RASGRF2: variants seen among roughly 807,000 people sequenced by gnomAD.
The protein encoded by RASGRF2 is ras-specific guanine nucleotide-releasing factor 2.
Under a neutral mutation model 151.0 loss-of-function variants are expected in RASGRF2, and 76 were observed. The ratio of observed to expected loss-of-function variants is 0.50; its 90% CI spans 0.42 to 0.61. RASGRF2 has a LOEUF of 0.61. Among genes scored for constraint, RASGRF2 ranks in the 20% least tolerant of loss-of-function variants. The probability of loss-of-function intolerance (pLI) is 0.00; values close to 1 mark genes in which losing one functional copy is unlikely to be tolerated. For missense variants in RASGRF2, 1,148 were observed against 1,564.6 expected (o/e 0.73, Z 4.49); for synonymous variants, 504 against 566.5 (o/e 0.89, Z 1.57).
chr5:81,118,441 C>CTG lies in RASGRF2; in HGVS notation c.2470+4524_2470+4525dup, dbSNP rs565832440. Among the ~76,000 whole-genome samples the CTG allele has an allele frequency of 3.9e-5, 6 of 152,348 alleles. No homozygotes were observed. The East Asian group carries it at 1.2e-3, about 29-fold the overall frequency. ...GGGGAGCAGCCCTGGGCAGCAAATG[C>CTG]TGTGGTCCCTTAGATTCCTCTCTGT... On this transcript the variant is annotated intron_variant, in intron 15 of 26. Coordinates refer to ENST00000265080, the MANE Select transcript of RASGRF2 (RefSeq NM_006909.3).
chr5:80,983,918 A>C (rs1748393307), intron 1 of RASGRF2, among the ~76,000 whole-genome samples: 1 of 152,228 alleles, frequency 6.6e-6, no homozygotes, highest in Non-Finnish European at 1.5e-5. Context: ...CAAATTCAAA[A>C]TTACGTGCAT....
At chr5:81,070,611 G>C (rs1751743057) in intron 4 of RASGRF2, 30 bp downstream of exon 4, 1 of 1,537,158 alleles carries the variant, frequency 6.5e-7, no homozygotes, top group East Asian at 2.3e-5. Context: ...AGCTTTGTAG[G>C]AGCATGGTGA....
chr5:81,089,026 G>A (rs905676663), intron 9 of RASGRF2, among the ~76,000 whole-genome samples: 22 of 152,076 alleles, frequency 1.4e-4, no homozygotes, highest in African/African-American at 5.3e-4. Context: ...TGTGTGGTTT[G>A]GTTAGTTGTT....
intron 2 of RASGRF2, among the ~76,000 whole-genome samples, chr5:81,046,603 C>A (rs1750844025): frequency 6.6e-6 from 1 of 151,846 alleles, no homozygotes; most frequent in Non-Finnish European, 1.5e-5. Context: ...GAGGCCAGAG[C>A]CTTTTCATAG....
intron 17 of RASGRF2, among the ~76,000 whole-genome samples, chr5:81,147,242 C>T (rs990525699): frequency 5.9e-5 from 9 of 152,130 alleles, no homozygotes; most frequent in Admixed American, 2.0e-4. Flanking sequence ...TTCATAGGCT[C>T]TTCCAATTAG....
chr5:81,050,747 T>C (rs1750985341), intron 2 of RASGRF2, among the ~76,000 whole-genome samples: 1 of 152,230 alleles, frequency 6.6e-6, no homozygotes, highest in African/African-American at 2.4e-5. Flanking sequence ...GCCCTCACTG[T>C]AACTTCTTAT....
chr5:81,023,567 AT>A (rs35763091), intron 1 of RASGRF2, among the ~76,000 whole-genome samples: 15,616 of 152,170 alleles, frequency 0.1, 1,000 homozygotes, highest in African/African-American at 0.18. Flanking sequence ...GCAGTGTTTG[AT>A]TTTTTTGTGA....
intron 7 of RASGRF2, among the ~76,000 whole-genome samples, chr5:81,080,998 T>G (rs1385474938): frequency 6.6e-6 from 1 of 152,198 alleles, no homozygotes; most frequent in African/African-American, 2.4e-5. Flanking sequence ...AAACCAGGCA[T>G]TTTTGAAGCA....
intron 18 of RASGRF2, among the ~76,000 whole-genome samples, chr5:81,189,933 C>T (rs1046307042): frequency 3.3e-5 from 5 of 151,784 alleles, no homozygotes; most frequent in South Asian, 2.1e-4. Context: ...AGGCTGGTCT[C>T]GAACTCCTGA....
chr5:81,080,872 T>A, intron 7 of RASGRF2, 83 bp downstream of exon 7: 1 of 1,283,930 alleles, frequency 7.8e-7, no homozygotes, highest in Admixed American at 1.9e-5. Flanking sequence ...GTGAGATGCT[T>A]AAGTGTGCCC....
At chr5:81,086,029 T>C in intron 8 of RASGRF2, 118 bp downstream of exon 8, 1 of 1,472,224 alleles carries the variant, frequency 6.8e-7, no homozygotes, top group South Asian at 1.4e-5. Flanking sequence ...GCTTCTCAGA[T>C]TCACCTGAAA....
chr5:80,963,937 A>G (rs1203218157), intron 1 of RASGRF2, among the ~76,000 whole-genome samples: 1 of 151,778 alleles, frequency 6.6e-6, no homozygotes, highest in Non-Finnish European at 1.5e-5. Context: ...GAAAACACCC[A>G]TTGGTTTGCT....
rs146295782 is a variant in RASGRF2 at position 81,015,495 on chromosome 5, C to T, written c.289-27382C>T. ...AATTTGGCAAAATTGTCTTAATGTA[C>T]ATTTCTTTGATTATCAGTGATTTTT... On this transcript the variant is annotated intron_variant, in intron 1 of 26. Transcript: ENST00000265080. Among the ~76,000 whole-genome samples the T allele has an allele frequency of 1.5e-3, 235 of 152,128 alleles. 1 individual carries two copies. The highest frequency in any genetic ancestry group is 6.8e-3 in the Middle Eastern group (2 of 294).
In RASGRF2 at chr5:81,229,258, A is replaced by T. The variant is rs896624302; in HGVS notation, c.*3488A>T. 6.6e-6 allele frequency: 1 copy of T among 152,234 alleles called. No individual in the cohort carries two copies. The highest frequency in any genetic ancestry group is 2.4e-5 in the African/African-American group (1 of 41,464). 9.4% of individuals were successfully genotyped at this position (152,234 alleles called of 1,614,324 possible). On this transcript the variant is annotated 3_prime_UTR_variant, in exon 27 of 27. Transcript: ENST00000265080. ...AATTGCAAAATGTATTATTTTTACA[A>T]CTATCGAAAAGGCATAAAAGAGAAC...
intron 9 of RASGRF2, among the ~76,000 whole-genome samples, chr5:81,091,196 G>C (rs1752378476): frequency 2.0e-5 from 3 of 152,138 alleles, no homozygotes; most frequent in African/African-American, 7.2e-5. Flanking sequence ...AAGGCCTCTG[G>C]CTTTGATTGC....
chr5:81,161,090 G>A (rs765786434), intron 17 of RASGRF2, among the ~76,000 whole-genome samples: 4 of 152,128 alleles, frequency 2.6e-5, no homozygotes, highest in African/African-American at 4.8e-5. Flanking sequence ...TGAAGGAATT[G>A]TCCATACTTT....
chr5:81,143,260 G>C (rs1753926102), intron 17 of RASGRF2, among the ~76,000 whole-genome samples: 1 of 151,856 alleles, frequency 6.6e-6, no homozygotes, highest in Non-Finnish European at 1.5e-5. Flanking sequence ...CGATTCTCCT[G>C]ACTCAGCCTC....
chr5:81,219,882 T>G (rs1755821924), intron 26 of RASGRF2, 104 bp downstream of exon 26: 2 of 733,430 alleles, frequency 2.7e-6, no homozygotes, highest in Non-Finnish European at 4.2e-6. Flanking sequence ...AGCTAGCTCA[T>G]AGAAAAGACC....
intron 19 of RASGRF2, among the ~76,000 whole-genome samples, chr5:81,206,089 C>A (rs1755499970): frequency 6.6e-6 from 1 of 152,168 alleles, no homozygotes; most frequent in Non-Finnish European, 1.5e-5. Context: ...TAATTGGATG[C>A]CTACTGGACT....
Sources: gnomAD v4.1 joint callset for allele counts (sites outside exome capture counted in the v4.1 genomes callset) on GRCh38, gnomAD v4.1.1 for gene constraint, MANE v1.5 for transcripts, NCBI Gene and HGNC (gene_info 2026-07-23, HGNC 2026-07-21) for gene names.